Variants in RPGRIP1L observed in about 807,000 individuals in gnomAD.
The protein encoded by RPGRIP1L is protein fantom.
In RPGRIP1L, 131 loss-of-function variants were observed where a neutral mutation model predicts 160.4. That is an observed-to-expected ratio of 0.82 (90% confidence interval 0.71 to 0.94). The LOEUF (loss-of-function observed/expected upper bound fraction) is 0.94, where lower values mean the gene tolerates loss of function less well. Ranked by LOEUF, RPGRIP1L falls within the 40% of genes least tolerant of loss-of-function variation. The pLI is 0.00. For missense variants in RPGRIP1L, 1,522 were observed against 1,535.8 expected (o/e 0.99, Z 0.15); for synonymous variants, 510 against 515.8 (o/e 0.99, Z 0.15).
At chr16:53,699,777 C>T (rs1971229563) in intron 2 of RPGRIP1L, among the ~76,000 whole-genome samples, 1 of 144,018 alleles carries the variant, frequency 6.9e-6, no homozygotes, top group Non-Finnish European at 1.5e-5. Context: ...GAGGTCGCGC[C>T]ACTGCACTCC....
At chr16:53,617,673 C>T (rs77312796) in intron 24 of RPGRIP1L, among the ~76,000 whole-genome samples, 35 of 152,170 alleles carry the variant, frequency 2.3e-4, no homozygotes, top group African/African-American at 7.9e-4. Context: ...AAACATCTTG[C>T]CTTAGTTCAC....
At chr16:53,602,520 A>C (rs1164149880) in intron 26 of RPGRIP1L, among the ~76,000 whole-genome samples, 2 of 152,172 alleles carry the variant, frequency 1.3e-5, no homozygotes, top group African/African-American at 4.8e-5. Context: ...TCATGCCTGT[A>C]ATCTCAGCAC....
At chr16:53,676,372 C>A (rs1013757032) in intron 6 of RPGRIP1L, among the ~76,000 whole-genome samples, 1 of 151,684 alleles carries the variant, frequency 6.6e-6, no homozygotes, top group Non-Finnish European at 1.5e-5. Flanking sequence ...CTCAGTATTA[C>A]CTTTAGCCAC....
At chr16:53,637,230 A>G (rs1965897184) in intron 21 of RPGRIP1L, among the ~76,000 whole-genome samples, 1 of 152,144 alleles carries the variant, frequency 6.6e-6, no homozygotes, top group Middle Eastern at 3.2e-3. Flanking sequence ...GAACATGTCC[A>G]TCACCTCAAA....
chr16:53,699,194 T>C (rs1382059899), intron 2 of RPGRIP1L, among the ~76,000 whole-genome samples: 1 of 151,896 alleles, frequency 6.6e-6, no homozygotes, highest in African/African-American at 2.4e-5. Context: ...GAAGGCAGCA[T>C]GCTCGTTAAG....
Position 53,696,236 on chromosome 16 carries a change from C to A in RPGRIP1L, c.145G>T (p.Glu49Ter). 1 of 1,614,032 alleles carries A rather than the reference C, an allele frequency of 6.2e-7. No individual in the cohort carries two copies. The highest frequency in any genetic ancestry group is 8.5e-7 in the Non-Finnish European group (1 of 1,179,962). The change falls in exon 3 of 27, where the codon GAA becomes TAA. Residue 49 changes from glutamate (E) to a stop codon, truncating the protein, a stop_gained. Coordinates refer to ENST00000647211, the MANE Select transcript of RPGRIP1L (RefSeq NM_015272.5). LOFTEE classifies it high-confidence loss of function. ...AAACGCAAAAATCTGTCTTCCAGTT[C>A]CTCACGACTGACACGTGACACTGCC... ...RQAVSRVSRE[E>*]LEDRFLRLHD...
rs555777218 is a variant in RPGRIP1L at position 53,648,885 on chromosome 16, T to A, written c.2304+79A>T. Reference sequence around the variant, plus strand: ...ACACTTGATGGCTGTGAAAATGATTTTAGTTTAAAGCACGACACATAAATA... The same window carrying A: ...ACACTTGATGGCTGTGAAAATGATTATAGTTTAAAGCACGACACATAAATA... On this transcript the variant is annotated intron_variant, in intron 16 of 26. Transcript: ENST00000647211. 3 of 1,306,992 alleles carry A rather than the reference T, an allele frequency of 2.3e-6. No homozygotes were observed. In the East Asian group the frequency reaches 7.1e-5, roughly 31 times the overall value. 81.0% of individuals were successfully genotyped at this position (1,306,992 alleles called of 1,614,324 possible).
rs949179084 is a variant in RPGRIP1L, at chr16:53,700,662, A to G, written c.62T>C (p.Leu21Pro). 1.2e-6 allele frequency: 2 copies of G among 1,613,378 alleles called. No individual in the cohort carries two copies. Among genetic ancestry groups the G allele is most frequent in the Non-Finnish European group, 8.5e-7 (1 of 1,179,592 alleles). The change falls in exon 2 of 27, where the codon CTC becomes CCC. Residue 21 changes from leucine (L) to proline (P), a missense_variant. Physicochemically the swap from Leu to Pro is moderately conservative, Grantham distance 98 (BLOSUM62 -3). Transcript: ENST00000647211. ...DLPVKDTGLNLFGMGGLQETS... is the reference protein window; with the variant it reads ...DLPVKDTGLNPFGMGGLQETS... ...ACCTTGTAACCCTCCCATTCCAAAGAGGTTTAGACCTGTATCTTTCACAGG... is the reference window on the plus strand; with the variant it reads ...ACCTTGTAACCCTCCCATTCCAAAGGGGTTTAGACCTGTATCTTTCACAGG...
intron 24 of RPGRIP1L, among the ~76,000 whole-genome samples, chr16:53,617,073 CAAAAAA>C (rs397945611): frequency 5.5e-4 from 12 of 21,846 alleles, no homozygotes; most frequent in East Asian, 4.3e-3. Context: ...CCTTGCATCA[CAAAAAA>C]AAAAAAAAAA....
chr16:53,630,743 A>G (rs190216823), intron 22 of RPGRIP1L, among the ~76,000 whole-genome samples: 1 of 151,988 alleles, frequency 6.6e-6, no homozygotes, highest in Non-Finnish European at 1.5e-5. Flanking sequence ...ATTTTTATTT[A>G]TTTATTTTTG....
rs569021508 is a variant in RPGRIP1L, at chr16:53,646,046, A to T, written c.2305-43T>A. On this transcript the variant is annotated intron_variant, in intron 16 of 26. Coordinates refer to ENST00000647211, the MANE Select transcript of RPGRIP1L (RefSeq NM_015272.5). Reference sequence around the variant, plus strand: ...TTTATATTAAGGAAATAACACAGTTAAAAGATGAACAGCAGCTGCCAAGCC... The same window carrying T: ...TTTATATTAAGGAAATAACACAGTTTAAAGATGAACAGCAGCTGCCAAGCC... 55 of 1,592,638 alleles carry T rather than the reference A, an allele frequency of 3.5e-5. 1 individual carries two copies. The Admixed American group carries it at 6.9e-4, about 20-fold the overall frequency.
chr16:53,620,996 A>T (rs1676365317), intron 23 of RPGRIP1L, among the ~76,000 whole-genome samples: 1 of 152,222 alleles, frequency 6.6e-6, no homozygotes, highest in African/African-American at 2.4e-5. Context: ...ATGTTTCTGC[A>T]CAAAAGAATT....
intron 19 of RPGRIP1L, 121 bp downstream of exon 19, chr16:53,640,911 TG>T (rs1226740983): frequency 7.0e-5 from 54 of 776,874 alleles, no homozygotes; most frequent in Non-Finnish European, 9.2e-5. Flanking sequence ...ATCACTTTAA[TG>T]GGAAAAGACA....
chr16:53,666,188 G>C (rs1968232354), intron 9 of RPGRIP1L, among the ~76,000 whole-genome samples: 2 of 152,100 alleles, frequency 1.3e-5, no homozygotes, highest in African/African-American at 4.8e-5. Context: ...GGGAGGCATA[G>C]CTTCTCAAAA....
chr16:53,636,429 A>G lies in RPGRIP1L; in HGVS notation c.3294+10T>C, dbSNP rs201237327. On this transcript the variant is annotated intron_variant, in intron 22 of 26. Coordinates refer to ENST00000647211, the MANE Select transcript of RPGRIP1L (RefSeq NM_015272.5). ...TTCAGAACATTTCTAGTTGGCATCAAGTTACTGACCTGTTTGATATTCTTG... is the reference window on the plus strand; with the variant it reads ...TTCAGAACATTTCTAGTTGGCATCAGGTTACTGACCTGTTTGATATTCTTG... 1.9e-6 allele frequency: 3 copies of G among 1,589,976 alleles called. No individual in the cohort carries two copies. Among genetic ancestry groups the G allele is most frequent in the South Asian group, 1.1e-5 (1 of 90,600 alleles).
intron 25 of RPGRIP1L, among the ~76,000 whole-genome samples, chr16:53,606,989 TAA>T (rs1234527151): frequency 6.6e-6 from 1 of 152,182 alleles, no homozygotes; most frequent in Non-Finnish European, 1.5e-5. Context: ...AAAATAATTA[TAA>T]AGAGTACAGA....
chr16:53,608,938 G>A lies in RPGRIP1L; in HGVS notation c.3701+2029C>T, dbSNP rs150245710. On this transcript the variant is annotated intron_variant, in intron 25 of 26. Transcript: ENST00000647211. ...GTTCGAGGAGTGCATGGCCAGCACT[G>A]AAACACTCATCCATGGTTGGAAGCC... is the stretch of plus-strand genomic sequence containing the variant. 2.0e-4 allele frequency among the ~76,000 whole-genome samples: 30 copies of A among 152,284 alleles called. 1 individual carries two copies. In the East Asian group the frequency reaches 4.6e-3, roughly 24 times the overall value.
chr16:53,641,707 A>T (rs1477249320), intron 17 of RPGRIP1L, among the ~76,000 whole-genome samples: 1 of 152,218 alleles, frequency 6.6e-6, no homozygotes, highest in Admixed American at 6.5e-5. Flanking sequence ...TCTCAAGTAG[A>T]TCTCCTTCAG....
chr16:53,642,314 C>G (rs1966273334), intron 17 of RPGRIP1L, among the ~76,000 whole-genome samples: 1 of 152,086 alleles, frequency 6.6e-6, no homozygotes, highest in Non-Finnish European at 1.5e-5. Context: ...CCTACTCAGC[C>G]TCCGGAGTAG....
Sources: allele counts gnomAD v4.1 joint callset (sites outside exome capture counted in the v4.1 genomes callset), GRCh38; gene constraint gnomAD v4.1.1; transcripts MANE v1.5; gene names NCBI Gene and HGNC (gene_info 2026-07-23, HGNC 2026-07-21).